The following CCDC47 variants were observed in gnomAD, a reference collection of about 807,000 sequenced individuals.
The protein encoded by CCDC47 is coiled-coil domain containing 47.
In CCDC47, 41 loss-of-function variants were observed where a neutral mutation model predicts 60.5. The ratio of observed to expected loss-of-function variants is 0.68; its 90% CI spans 0.53 to 0.88. The LOEUF (loss-of-function observed/expected upper bound fraction) is 0.88. Ranked by LOEUF, CCDC47 falls within the 40% of genes least tolerant of loss-of-function variation. The pLI, the probability that CCDC47 is intolerant of heterozygous loss-of-function variation, is 0.00. For synonymous variants in CCDC47, 195 were observed against 190.7 expected (o/e 1.02, Z -0.18); for missense variants, 513 against 580.9 (o/e 0.88, Z 1.20).
chr17:63,752,469 G>T (rs1170474747), intron 10 of CCDC47, 40 bp from the exon 11 acceptor site: 14 of 1,293,592 alleles, frequency 1.1e-5, no homozygotes, highest in Non-Finnish European at 1.3e-5. Context: ...GTTAATGGTA[G>T]CATTAATATT....
chr17:63,760,576 C>T (rs1184066825), intron 6 of CCDC47, among the ~76,000 whole-genome samples: 2 of 152,166 alleles, frequency 1.3e-5, no homozygotes, highest in Non-Finnish European at 2.9e-5. Context: ...TGATGGCTCA[C>T]GTCTATAATC....
At position 63,761,349 on chromosome 17, in the gene CCDC47, C is replaced by A. The variant is rs2144489041; in HGVS notation, c.550G>T (p.Asp184Tyr). 6.2e-7 allele frequency: 1 copy of A among 1,613,754 alleles called. No individual in the cohort carries two copies. Among genetic ancestry groups the A allele is most frequent in the Non-Finnish European group, 8.5e-7 (1 of 1,179,924 alleles). Reference protein sequence around the residue: ...LLESNFTLVGDDGTNKEATST... With the variant: ...LLESNFTLVGYDGTNKEATST... Reference sequence around the variant, plus strand: ...GTGGCTTCTTTGTTAGTTCCATCATCCCCTAGGGGTAAAACCACTTAATGT... The same window carrying A: ...GTGGCTTCTTTGTTAGTTCCATCATACCCTAGGGGTAAAACCACTTAATGT... The change falls in exon 5 of 13, where the codon GAT becomes TAT. Residue 184 changes from aspartate to tyrosine, a missense_variant and splice_region_variant. Physicochemically the swap from Asp to Tyr is radical, Grantham distance 160. Coordinates refer to ENST00000225726, the MANE Select transcript of CCDC47 (RefSeq NM_020198.3).
At chr17:63,763,074 T>C (rs2039272427) in intron 4 of CCDC47, among the ~76,000 whole-genome samples, 1 of 152,154 alleles carries the variant, frequency 6.6e-6, no homozygotes, top group Non-Finnish European at 1.5e-5. Context: ...CACACCACTG[T>C]GACTGGCCAA....
chr17:63,753,563 G>A (rs1017723778), intron 9 of CCDC47: 8 of 820,586 alleles, frequency 9.7e-6, no homozygotes, highest in African/African-American at 9.3e-5. Flanking sequence ...GAGCATAAAG[G>A]TAAATAAATA....
intron 2 of CCDC47, 163 bp from the exon 3 acceptor site, chr17:63,765,010 C>T (rs2144493728): frequency 3.1e-6 from 3 of 983,140 alleles, no homozygotes; most frequent in Non-Finnish European, 3.6e-6. Context: ...CAAATTTCAG[C>T]TTAAAATGAG....
chr17:63,763,970 A>G (rs140047467), intron 4 of CCDC47, 46 bp downstream of exon 4: 217 of 1,508,878 alleles, frequency 1.4e-4, no homozygotes, highest in Non-Finnish European at 1.6e-4. Flanking sequence ...CATCCTTACC[A>G]GATTGTTTTC....
In CCDC47 at chr17:63,756,354, G is replaced by A. The variant is rs1159441688; in HGVS notation, c.838-4C>T. ...GTTTATCACTACAAAACTCACTCTA[G>A]AGGAAGAAGTAATTGAAAGTAAGAT... On this transcript the variant is annotated splice_polypyrimidine_tract_variant and splice_region_variant and intron_variant, in intron 7 of 12. Coordinates refer to ENST00000225726, the MANE Select transcript of CCDC47 (RefSeq NM_020198.3). 2 of 1,611,004 alleles carry A rather than the reference G, an allele frequency of 1.2e-6. No individual in the cohort carries two copies. Among genetic ancestry groups the A allele is most frequent in the Non-Finnish European group, 8.5e-7 (1 of 1,177,130 alleles).
chr17:63,753,201 CTTATTT>C lies in CCDC47; in HGVS notation c.1035-408_1035-403del, dbSNP rs1006337624. 3.3e-5 allele frequency: 25 copies of C among 768,684 alleles called. No homozygotes were observed. In the Admixed American group the frequency reaches 1.1e-3, roughly 33 times the overall value. 47.6% of individuals were successfully genotyped at this position (768,684 alleles called of 1,614,324 possible). ...TTCCTATAACAAGGCATCTTATTAT[CTTATTT>C]TTGAGTTAGGCTCAGAGTAAATTTA... On this transcript the variant is annotated intron_variant, in intron 9 of 12. Transcript: ENST00000225726.
intron 2 of CCDC47, chr17:63,765,642 T>C (rs1314800719): frequency 3.5e-6 from 4 of 1,140,808 alleles, no homozygotes; most frequent in Non-Finnish European, 2.2e-6. Context: ...GCCCAGCCAA[T>C]TGCAAAGTTC....
chr17:63,771,419 C>G (rs8067102), intron 1 of CCDC47, among the ~76,000 whole-genome samples: 106,018 of 151,544 alleles, frequency 0.7, 38,495 homozygotes, highest in African/African-American at 0.92. Context: ...ATCCCCCATA[C>G]ATATCAAGGG....
Position 63,761,280 on chromosome 17 carries a change from G to C in CCDC47, c.619C>G (p.Leu207Val). ...LNQENEHIYNLWCSGRVCCEG... is the reference protein window; with the variant it reads ...LNQENEHIYNVWCSGRVCCEG... ...CAGCACACTCGACCAGAACACCACA[G>C]GTTATAGATGTGCTCATTCTCCTGG... The change falls in exon 5 of 13, where the codon CTG becomes GTG. Residue 207 changes from leucine (L) to valine (V), a missense_variant. By Grantham distance (32) the Leu-to-Val change is conservative. Transcript: ENST00000225726. 1 of 1,614,018 alleles carries C rather than the reference G, an allele frequency of 6.2e-7. No homozygotes were observed. The highest frequency in any genetic ancestry group is 8.5e-7 in the Non-Finnish European group (1 of 1,179,946).
intron 2 of CCDC47, among the ~76,000 whole-genome samples, chr17:63,765,320 C>G (rs2039289917): frequency 6.6e-6 from 1 of 151,844 alleles, no homozygotes; most frequent in Non-Finnish European, 1.5e-5. Context: ...AGTCCCCATG[C>G]TTTTGATGAC....
rs556336579 is a variant in CCDC47 at position 63,746,797 on chromosome 17, T to C, written c.*84A>G. ...GCCCAAGACTGTCTGAAATTTAAGG[T>C]TGAGAAATGGACTGGCGTTTTTCAT... On this transcript the variant is annotated 3_prime_UTR_variant, in exon 13 of 13. Coordinates refer to ENST00000225726, the MANE Select transcript of CCDC47 (RefSeq NM_020198.3). The C allele has an allele frequency of 1.9e-5, 19 of 1,003,010 alleles. No individual in the cohort carries two copies. Among genetic ancestry groups the C allele is most frequent in the Admixed American group, 9.5e-5 (5 of 52,524 alleles). The allele number at this position is 1,003,010 out of a possible 1,614,324, so 62.1% of individuals were successfully genotyped here. A position where few individuals can be genotyped will look rare whatever the true frequency, so the allele number is the denominator to read the frequency against.
chr17:63,763,943 T>C, intron 4 of CCDC47, 73 bp downstream of exon 4: 2 of 1,244,962 alleles, frequency 1.6e-6, no homozygotes, highest in Non-Finnish European at 2.2e-6. Context: ...TAGATGCTTA[T>C]ACTGAGGGGA....
At chr17:63,755,654 A>T (rs890757836) in intron 8 of CCDC47, among the ~76,000 whole-genome samples, 5 of 152,096 alleles carry the variant, frequency 3.3e-5, no homozygotes, top group Non-Finnish European at 7.4e-5. Context: ...ACCATCTCTG[A>T]GTTATCCTGT....
intron 12 of CCDC47, chr17:63,747,564 T>C (rs2039130156): frequency 4.1e-6 from 4 of 984,848 alleles, no homozygotes; most frequent in African/African-American, 3.5e-5. Flanking sequence ...CAGGTTATTA[T>C]TACGTGGACT....
chr17:63,752,484 G>T, intron 10 of CCDC47, 55 bp from the exon 11 acceptor site: 6 of 1,226,826 alleles, frequency 4.9e-6, no homozygotes, highest in Non-Finnish European at 6.9e-6. Flanking sequence ...AATATTTCCA[G>T]GTCACCCAAC....
rs1259558283 is a variant in CCDC47 at position 63,745,308 on chromosome 17, T to A, written c.*1573A>T. The A allele has an allele frequency of 6.6e-6, 1 of 152,606 alleles. No homozygotes were observed. Among genetic ancestry groups the A allele is most frequent in the East Asian group, 1.9e-4 (1 of 5,196 alleles). 9.5% of individuals were successfully genotyped at this position (152,606 alleles called of 1,614,324 possible). A position where few individuals can be genotyped will look rare whatever the true frequency, so the allele number is the denominator to read the frequency against. Reference sequence around the variant, plus strand: ...TAGGTAGTTCATATGAATGCTTAAGTTACAAAATTAGCTGCCATGGTCCAA... The same window carrying A: ...TAGGTAGTTCATATGAATGCTTAAGATACAAAATTAGCTGCCATGGTCCAA... On this transcript the variant is annotated 3_prime_UTR_variant, in exon 13 of 13. Transcript: ENST00000225726.
At chr17:63,769,737 A>T (rs898230158) in intron 1 of CCDC47, among the ~76,000 whole-genome samples, 6 of 152,126 alleles carry the variant, frequency 3.9e-5, no homozygotes, top group Admixed American at 1.3e-4. Context: ...GGCCACACAT[A>T]AAATACACTA....
Sources: gnomAD v4.1 joint callset for allele counts (sites outside exome capture counted in the v4.1 genomes callset) on GRCh38, gnomAD v4.1.1 for gene constraint, MANE v1.5 for transcripts, NCBI Gene and HGNC (gene_info 2026-07-23, HGNC 2026-07-21) for gene names.